SVIL: variants seen among roughly 807,000 people sequenced by gnomAD.
The protein encoded by SVIL is archvillin.
In SVIL, 101 loss-of-function variants were observed where a neutral mutation model predicts 240.4. The observed-to-expected ratio is 0.42, with a 90% confidence interval of 0.36 to 0.50. The LOEUF is 0.50. SVIL is among the 20% of genes least tolerant of loss of function. The pLI is 0.01. For synonymous variants in SVIL, 999 were observed against 1,100.0 expected, an observed-to-expected ratio of 0.91 and a Z score of 1.82; for missense variants, 2,512 against 2,818.7, an observed-to-expected ratio of 0.89 and a Z score of 2.46.
At chr10:29,509,459 T>G (rs1949665499) in intron 17 of SVIL, among the ~76,000 whole-genome samples, 1 of 151,514 alleles carries the variant, frequency 6.6e-6, no homozygotes, top group African/African-American at 2.4e-5. Flanking sequence ...TGATCATCAA[T>G]CCTCATTTTG....
intron 1 of SVIL, among the ~76,000 whole-genome samples, chr10:29,611,455 A>G (rs1957240778): frequency 6.6e-6 from 1 of 151,740 alleles, no homozygotes; most frequent in Non-Finnish European, 1.5e-5. Context: ...CCCAAGCAGG[A>G]CGGCATGTAA....
chr10:29,507,597 CCACACA>C (rs60592993), intron 17 of SVIL: 56 of 166,726 alleles, frequency 3.4e-4, no homozygotes, highest in African/African-American at 1.1e-3. Flanking sequence ...AATTGTACTG[CCACACA>C]CACACACACA....
intron 1 of SVIL, among the ~76,000 whole-genome samples, chr10:29,616,850 G>A (rs1322231293): frequency 6.6e-6 from 1 of 152,186 alleles, no homozygotes; most frequent in Non-Finnish European, 1.5e-5. Context: ...AGCCTCTTGG[G>A]TAGCTGGGAC....
At chr10:29,527,439 T>G (rs982226844) in intron 12 of SVIL, among the ~76,000 whole-genome samples, 1 of 152,186 alleles carries the variant, frequency 6.6e-6, no homozygotes, top group Non-Finnish European at 1.5e-5. Flanking sequence ...TTTCTTTTTC[T>G]TTTTTGGAGA....
chr10:29,509,330 G>GA (rs1949619948), intron 17 of SVIL, among the ~76,000 whole-genome samples: 1 of 66,880 alleles, frequency 1.5e-5, no homozygotes, highest in African/African-American at 4.9e-5. Flanking sequence ...GGAGGGGGAG[G>GA]GAGAGAGAGA....
At chr10:29,614,098 T>C (rs1159471476) in intron 1 of SVIL, among the ~76,000 whole-genome samples, 1 of 152,148 alleles carries the variant, frequency 6.6e-6, no homozygotes, top group East Asian at 1.9e-4. Context: ...TCACTAACTA[T>C]ACCACAACAG....
intron 3 of SVIL, among the ~76,000 whole-genome samples, chr10:29,644,987 TAA>T (rs941906439): frequency 7.1e-6 from 1 of 141,096 alleles, no homozygotes; most frequent in African/African-American, 2.6e-5. Context: ...TGGAGGACAC[TAA>T]AAAAAAAAAC....
chr10:29,506,384 A>G (rs554358245), intron 17 of SVIL, among the ~76,000 whole-genome samples: 1,601 of 152,114 alleles, frequency 0.011, 35 homozygotes, highest in African/African-American at 0.037. Flanking sequence ...AGGAACCAGG[A>G]GAGTGAGGGA....
Position 29,523,051 on chromosome 10 carries a change from G to T in SVIL, c.3163+400C>A, listed in dbSNP as rs150499108. ...CCCACGCAGTGTAGCTTGCTAGCCT[G>T]CAAAACAGGCATGCAGGAAGAAGCA... is the stretch of plus-strand genomic sequence containing the variant. On this transcript the variant is annotated intron_variant, in intron 15 of 37. Coordinates refer to ENST00000355867, the MANE Select transcript of SVIL (RefSeq NM_021738.3). Among the ~76,000 whole-genome samples the T allele has an allele frequency of 4.9e-4, 74 of 152,280 alleles. No homozygotes were observed. The East Asian group carries it at 0.013, about 27-fold the overall frequency.
intron 2 of SVIL, among the ~76,000 whole-genome samples, chr10:29,681,999 C>T (rs1451624960): frequency 6.6e-5 from 10 of 152,196 alleles, no homozygotes; most frequent in South Asian, 4.1e-4. Context: ...ACCCAGCACA[C>T]GCCCTTCCTG....
intron 3 of SVIL, among the ~76,000 whole-genome samples, chr10:29,557,125 T>C (rs893037818): frequency 6.6e-6 from 1 of 151,544 alleles, no homozygotes; most frequent in Admixed American, 6.6e-5. Context: ...AGACAGGGTC[T>C]CATTCTGTCA....
intron 2 of SVIL, among the ~76,000 whole-genome samples, chr10:29,566,942 A>T (rs776596282): frequency 4.6e-5 from 7 of 152,160 alleles, no homozygotes; most frequent in Non-Finnish European, 7.3e-5. Context: ...CAAAAGTAAG[A>T]GCCTGTGTTT....
intron 2 of SVIL, chr10:29,658,088 C>G (rs1589463676): frequency 6.6e-6 from 1 of 152,192 alleles, no homozygotes; most frequent in South Asian, 2.1e-4. Context: ...GACAAAGTCT[C>G]TACTGAAAAA....
At chr10:29,664,676 T>TTA (rs766353710) in intron 2 of SVIL, among the ~76,000 whole-genome samples, 84 of 140,534 alleles carry the variant, frequency 6.0e-4, no homozygotes, top group African/African-American at 1.2e-3. Flanking sequence ...TTTCGTAATT[T>TTA]TATATATATA....
chr10:29,531,575 T>C (rs1311841717), intron 9 of SVIL, among the ~76,000 whole-genome samples: 1 of 152,194 alleles, frequency 6.6e-6, no homozygotes, highest in African/African-American at 2.4e-5. Flanking sequence ...AATCTTACCA[T>C]TTCTATGCAA....
intron 3 of SVIL, among the ~76,000 whole-genome samples, chr10:29,655,602 C>T (rs1414148257): frequency 6.6e-6 from 1 of 152,124 alleles, no homozygotes; most frequent in African/African-American, 2.4e-5. Context: ...AGAGACACAC[C>T]CAGAAAAAAT....
In SVIL at chr10:29,458,604, G is replaced by A. The variant is rs779468429; in HGVS notation, c.6403-15C>T. 3.7e-6 allele frequency: 6 copies of A among 1,610,180 alleles called. No homozygotes were observed. Among genetic ancestry groups the A allele is most frequent in the Non-Finnish European group, 5.1e-6 (6 of 1,178,756 alleles). On this transcript the variant is annotated splice_polypyrimidine_tract_variant and intron_variant, in intron 36 of 37. Coordinates refer to ENST00000355867, the MANE Select transcript of SVIL (RefSeq NM_021738.3). ...ACTTCCGTGTCCTAGAGAAGAGGAG[G>A]GGGCAGAGAGGAGAGCTCGTGTCCT...
At chr10:29,690,607 T>C (rs551579581) in intron 1 of SVIL, among the ~76,000 whole-genome samples, 23 of 152,102 alleles carry the variant, frequency 1.5e-4, no homozygotes, top group African/African-American at 5.5e-4. Context: ...TAATGAATTT[T>C]ATATTTTAAT....
intron 3 of SVIL, among the ~76,000 whole-genome samples, chr10:29,561,285 T>C (rs1210717253): frequency 6.6e-6 from 1 of 152,214 alleles, no homozygotes; most frequent in Non-Finnish European, 1.5e-5. Flanking sequence ...TAAGCTTAGG[T>C]GTTCTAAAAG....
Sources: allele counts gnomAD v4.1 joint callset (sites outside exome capture counted in the v4.1 genomes callset), GRCh38; gene constraint gnomAD v4.1.1; transcripts MANE v1.5; gene names NCBI Gene and HGNC (gene_info 2026-07-23, HGNC 2026-07-21).